GALNT18: variants seen among roughly 807,000 people sequenced by gnomAD.
GALNT18 encodes the protein GalNAc-transferase 18.
GALNT18 carries 44 observed loss-of-function variants against 69.5 expected under a neutral mutation model. The observed-to-expected ratio is 0.63, with a 90% CI of 0.50 to 0.81. The LOEUF (loss-of-function observed/expected upper bound fraction) is 0.81, where lower values mean the gene tolerates loss of function less well. Among genes scored for constraint, GALNT18 ranks in the 40% least tolerant of loss-of-function variants. The probability of loss-of-function intolerance (pLI) is 0.00; values close to 1 mark genes in which losing one functional copy is unlikely to be tolerated. For synonymous variants in GALNT18, 364 were observed against 318.2 expected (o/e 1.14, Z -1.53); for missense variants, 715 against 810.0 (o/e 0.88, Z 1.42).
At chr11:11,599,736 T>C (rs1859589438) in intron 1 of GALNT18, among the ~76,000 whole-genome samples, 1 of 152,036 alleles carries the variant, frequency 6.6e-6, no homozygotes, top group African/African-American at 2.4e-5. Context: ...ATTTCCTTAA[T>C]AATTTTTAAC....
chr11:11,451,359 T>C (rs115134890), intron 1 of GALNT18, among the ~76,000 whole-genome samples: 272 of 152,342 alleles, frequency 1.8e-3, no homozygotes, highest in African/African-American at 6.3e-3. Flanking sequence ...CCTAAGTGGA[T>C]ATTACTAAGT....
intron 1 of GALNT18, among the ~76,000 whole-genome samples, chr11:11,585,082 ACT>A (rs1859180408): frequency 6.6e-6 from 1 of 152,154 alleles, no homozygotes; most frequent in African/African-American, 2.4e-5. Flanking sequence ...GATCTGCCTA[ACT>A]CTGTGAGCTT....
chr11:11,370,046 T>G (rs1850863276), intron 6 of GALNT18, among the ~76,000 whole-genome samples: 1 of 151,572 alleles, frequency 6.6e-6, no homozygotes, highest in Admixed American at 6.6e-5. Context: ...TTGAGATATA[T>G]GTAAGCCCCT....
intron 1 of GALNT18, among the ~76,000 whole-genome samples, chr11:11,489,338 C>G (rs1856711991): frequency 6.6e-6 from 1 of 152,170 alleles, no homozygotes; most frequent in African/African-American, 2.4e-5. Context: ...GGGCAGGTCT[C>G]AAGGATACGG....
chr11:11,477,866 T>C (rs1005896071), intron 1 of GALNT18, among the ~76,000 whole-genome samples: 7 of 152,304 alleles, frequency 4.6e-5, no homozygotes, highest in Admixed American at 1.3e-4. Context: ...AAGTACCAGA[T>C]GTACCAAGTC....
chr11:11,467,457 G>C (rs1856177319), intron 1 of GALNT18, among the ~76,000 whole-genome samples: 2 of 152,338 alleles, frequency 1.3e-5, no homozygotes, highest in South Asian at 4.1e-4. Flanking sequence ...TCTGAACACA[G>C]CACAGGCGCC....
chr11:11,284,080 TCTTGTCA>T (rs1233682977), intron 10 of GALNT18, among the ~76,000 whole-genome samples: 1 of 152,180 alleles, frequency 6.6e-6, no homozygotes, highest in Non-Finnish European at 1.5e-5. Flanking sequence ...TGGGCTTCAG[TCTTGTCA>T]CTTGCAAAAG....
chr11:11,451,203 A>G (rs572575321), intron 1 of GALNT18, among the ~76,000 whole-genome samples: 2 of 152,296 alleles, frequency 1.3e-5, no homozygotes, highest in African/African-American at 2.4e-5. Flanking sequence ...GGGTAGCACA[A>G]GCATGCATGA....
chr11:11,560,754 T>G (rs1200551713), intron 1 of GALNT18, among the ~76,000 whole-genome samples: 1 of 152,150 alleles, frequency 6.6e-6, no homozygotes, highest in Admixed American at 6.5e-5. Flanking sequence ...GCTGAAACAG[T>G]CCATTTTCTT....
intron 9 of GALNT18, among the ~76,000 whole-genome samples, chr11:11,323,226 T>G (rs1422857373): frequency 6.6e-6 from 1 of 152,238 alleles, no homozygotes; most frequent in Non-Finnish European, 1.5e-5. Flanking sequence ...AAGTCTCATC[T>G]AAATATCCTC....
intron 1 of GALNT18, among the ~76,000 whole-genome samples, chr11:11,512,503 A>T (rs1857185235): frequency 6.6e-6 from 1 of 152,216 alleles, no homozygotes; most frequent in Non-Finnish European, 1.5e-5. Flanking sequence ...ACAAGATGTG[A>T]AAGGGGGTCT....
intron 1 of GALNT18, among the ~76,000 whole-genome samples, chr11:11,457,222 G>T (rs371374134): frequency 3.3e-5 from 5 of 152,222 alleles, no homozygotes; most frequent in Non-Finnish European, 5.9e-5. Flanking sequence ...ATGGAGTGGG[G>T]AGGAAACGGG....
chr11:11,421,830 G>A lies in GALNT18; in HGVS notation c.595+10791C>T, dbSNP rs1478957100. Among the ~76,000 whole-genome samples the A allele has an allele frequency of 6.6e-6, 1 of 152,118 alleles. No individual in the cohort carries two copies. Among genetic ancestry groups the A allele is most frequent in the Non-Finnish European group, 1.5e-5 (1 of 68,036 alleles). On this transcript the variant is annotated intron_variant, in intron 3 of 10. Coordinates refer to ENST00000227756, the MANE Select transcript of GALNT18 (RefSeq NM_198516.3). This position sits in a 1 kb window ranked among gnomAD's most constrained non-coding sequence, Gnocchi z 5.6. ...ACTTGGCCAAAAGGTGCCTTCTCTG[G>A]ACTATGCAGTTAGAAAAGGCACTTT... is the stretch of plus-strand genomic sequence containing the variant.
chr11:11,379,642 C>A (rs1853862315), intron 3 of GALNT18, among the ~76,000 whole-genome samples: 1 of 152,308 alleles, frequency 6.6e-6, no homozygotes, highest in South Asian at 2.1e-4. Flanking sequence ...GCCTAGTGAC[C>A]TGAAAAGCCA....
chr11:11,476,809 A>G (rs1331718955), intron 1 of GALNT18, among the ~76,000 whole-genome samples: 1 of 152,248 alleles, frequency 6.6e-6, no homozygotes, highest in African/African-American at 2.4e-5. Flanking sequence ...GGGAATTTTC[A>G]CTAAGGCACC....
chr11:11,547,710 C>T (rs1858092680), intron 1 of GALNT18, among the ~76,000 whole-genome samples: 1 of 152,216 alleles, frequency 6.6e-6, no homozygotes, highest in Non-Finnish European at 1.5e-5. Context: ...CATACATTCC[C>T]TTCTATCCCA....
At chr11:11,310,332 G>C (rs1849648261) in intron 9 of GALNT18, among the ~76,000 whole-genome samples, 1 of 152,206 alleles carries the variant, frequency 6.6e-6, no homozygotes, top group African/African-American at 2.4e-5. Context: ...AAAAGCTTTA[G>C]TTAATTTTCC....
chr11:11,531,160 A>G (rs528665767), intron 1 of GALNT18, among the ~76,000 whole-genome samples: 1 of 152,210 alleles, frequency 6.6e-6, no homozygotes, highest in Non-Finnish European at 1.5e-5. Flanking sequence ...AATATGTGTA[A>G]ATCCATAGCT....
In GALNT18 at chr11:11,372,485, C is replaced by T. The variant is rs199572355; in HGVS notation, c.1092+30G>A. On this transcript the variant is annotated intron_variant, in intron 6 of 10. Coordinates refer to ENST00000227756, the MANE Select transcript of GALNT18 (RefSeq NM_198516.3). This position sits in a 1 kb window ranked among gnomAD's most constrained non-coding sequence, Gnocchi z 4.9. ...TCATTCACCCTGGTGGGAGCTGAGC[C>T]GAGCAGTTTGAGTGAGAAACCCCAC... 3.3e-4 allele frequency: 511 copies of T among 1,567,158 alleles called. 1 individual carries two copies. The African/African-American group carries it at 3.4e-3, about 10-fold the overall frequency.
Sources: gnomAD v4.1 joint callset for allele counts (sites outside exome capture counted in the v4.1 genomes callset) on GRCh38, gnomAD v4.1.1 for gene constraint, Gnocchi (gnomAD v3.1) non-coding constraint, MANE v1.5 for transcripts, NCBI Gene and HGNC (gene_info 2026-07-23, HGNC 2026-07-21) for gene names.